Variants in TLE3 observed in about 807,000 individuals in gnomAD.
The protein encoded by TLE3 is transducin-like enhancer protein 3.
A neutral mutation model predicts 93.0 loss-of-function variants in TLE3; 14 were observed. That is an observed-to-expected ratio of 0.15 (90% CI 0.10 to 0.24). The LOEUF (loss-of-function observed/expected upper bound fraction) is 0.24. TLE3 is among the 10% of genes least tolerant of loss of function. The probability of loss-of-function intolerance (pLI) is 1.00; values close to 1 mark genes in which losing one functional copy is unlikely to be tolerated. For missense variants in TLE3, 693 were observed against 1,046.6 expected (o/e 0.66, Z 4.66); for synonymous variants, 451 against 425.0 (o/e 1.06, Z -0.75).
intron 14 of TLE3, 185 bp from the exon 15 acceptor site, chr15:70,055,483 A>G (rs1005852649): frequency 1.5e-5 from 10 of 671,542 alleles, no homozygotes; most frequent in Middle Eastern, 4.2e-4. Flanking sequence ...AGACATGATT[A>G]ACAGACCAGC....
At chr15:70,060,404 C>T (rs1595888937) in intron 9 of TLE3, 126 bp downstream of exon 9, 4 of 1,289,584 alleles carry the variant, frequency 3.1e-6, no homozygotes, top group East Asian at 2.5e-5. Context: ...GGTCCCCTAT[C>T]GCCAACCTGT....
chr15:70,053,603 A>G (rs2055745731), intron 16 of TLE3: 4 of 391,184 alleles, frequency 1.0e-5, no homozygotes, highest in Non-Finnish European at 1.8e-5. Context: ...CCCCTGGGAA[A>G]TGGGGGGGGG....
In TLE3 at chr15:70,097,782, A is replaced by G. The variant is rs1209581983; in HGVS notation, c.-984T>C. 2.6e-6 allele frequency: 1 copy of G among 384,058 alleles called. No homozygotes were observed. Among genetic ancestry groups the G allele is most frequent in the Non-Finnish European group, 4.6e-6 (1 of 218,378 alleles). 23.8% of individuals were successfully genotyped at this position (384,058 alleles called of 1,614,324 possible). On this transcript the variant is annotated 5_prime_UTR_variant, in exon 1 of 20. Coordinates refer to ENST00000451782, the MANE Select transcript of TLE3 (RefSeq NM_001105192.3). ...AACCCCCAAAACACACACACCCAAC[A>G]CACACACACGCGCGCACGCACACAC...
intron 2 of TLE3, 200 bp from the exon 3 acceptor site, chr15:70,095,841 C>CAA: frequency 1.5e-6 from 1 of 673,660 alleles, no homozygotes; most frequent in Non-Finnish European, 2.5e-6. Flanking sequence ...CGAAACTTCC[C>CAA]GCGAGCCAAA....
Position 70,049,858 on chromosome 15 carries a change from T to C in TLE3, c.*239A>G, listed in dbSNP as rs982454087. ...AATCTATTTGTAGCAACTGCCAGCA[T>C]TGTTCAGGGGGAGGAGGAGGAGCAG... On this transcript the variant is annotated 3_prime_UTR_variant, in exon 20 of 20. Coordinates refer to ENST00000451782, the MANE Select transcript of TLE3 (RefSeq NM_001105192.3). The C allele has an allele frequency of 6.8e-6, 3 of 441,600 alleles. No individual in the cohort carries two copies. The highest frequency in any genetic ancestry group is 8.3e-6 in the Non-Finnish European group (2 of 240,860). The allele number at this position is 441,600 out of a possible 1,614,324, so 27.4% of individuals were successfully genotyped here. A position where few individuals can be genotyped will look rare whatever the true frequency, so the allele number is the denominator to read the frequency against.
intron 6 of TLE3, among the ~76,000 whole-genome samples, chr15:70,069,488 T>C (rs1308565927): frequency 6.6e-6 from 1 of 152,192 alleles, no homozygotes; most frequent in Non-Finnish European, 1.5e-5. Context: ...TGTTGTCAGG[T>C]AGGAGCGTCC....
chr15:70,056,358 T>A lies in TLE3; in HGVS notation c.1268A>T (p.His423Leu). 6 of 1,612,184 alleles carry A rather than the reference T, an allele frequency of 3.7e-6. No individual in the cohort carries two copies. Among genetic ancestry groups the A allele is most frequent in the Non-Finnish European group, 5.1e-6 (6 of 1,179,578 alleles). The change falls in exon 14 of 20, where the codon CAC (histidine) becomes CTC (leucine). Residue 423 changes from histidine (H) to leucine (L), a missense_variant. Physicochemically the swap from His to Leu is moderately conservative, Grantham distance 99 (BLOSUM62 -3). Transcript: ENST00000451782. ...VSFGAVGFDP[H>L]PPMRATGLPS... is the part of the protein sequence containing the mutation. ...GAGGCCTGTGGCCCGCATCGGGGGGTGAGGGTCAAAACCAACCTGTAAAGC... is the reference window on the plus strand; with the variant it reads ...GAGGCCTGTGGCCCGCATCGGGGGGAGAGGGTCAAAACCAACCTGTAAAGC...
At chr15:70,078,511 G>A (rs1213843344) in intron 4 of TLE3, among the ~76,000 whole-genome samples, 4 of 152,232 alleles carry the variant, frequency 2.6e-5, no homozygotes, top group African/African-American at 7.2e-5. Flanking sequence ...CTCCGTAAAT[G>A]TTTGGCCCAA....
intron 4 of TLE3, among the ~76,000 whole-genome samples, chr15:70,079,994 G>C (rs992039846): frequency 6.7e-6 from 1 of 150,252 alleles, no homozygotes; most frequent in Admixed American, 6.6e-5. Flanking sequence ...CAGCACTTCT[G>C]ATTAGAACAG....
chr15:70,076,725 T>C (rs367885706), intron 4 of TLE3, among the ~76,000 whole-genome samples: 3 of 152,136 alleles, frequency 2.0e-5, no homozygotes, highest in East Asian at 3.8e-4. Flanking sequence ...TTCTTTCTTT[T>C]TTTTTCTTTC....
At chr15:70,079,988 A>G (rs1427798259) in intron 4 of TLE3, among the ~76,000 whole-genome samples, 1 of 151,922 alleles carries the variant, frequency 6.6e-6, no homozygotes, top group African/African-American at 2.4e-5. Context: ...AATTGACAGC[A>G]CTTCTGATTA....
At chr15:70,085,944 G>A (rs1410017216) in intron 4 of TLE3, among the ~76,000 whole-genome samples, 1 of 152,236 alleles carries the variant, frequency 6.6e-6, no homozygotes, top group African/African-American at 2.4e-5. Context: ...TCACTGGAGA[G>A]AGAGATCAGA....
chr15:70,058,949 G>T lies in TLE3; in HGVS notation c.766-134C>A. ...TGGCTGAAAGACTGGGGGCCCCACA[G>T]TGAGGAAAAACTAGCTCTTAACCAT... On this transcript the variant is annotated intron_variant, in intron 10 of 19. Transcript: ENST00000451782. The surrounding 1 kb of genome is among the most constrained non-coding windows in gnomAD (Gnocchi z 4.1). The T allele has an allele frequency of 8.4e-7, 1 of 1,194,116 alleles. No individual in the cohort carries two copies. Among genetic ancestry groups the T allele is most frequent in the Non-Finnish European group, 1.1e-6 (1 of 885,668 alleles). The allele number at this position is 1,194,116 out of a possible 1,614,324, so 74.0% of individuals were successfully genotyped here. A position where few individuals can be genotyped will look rare whatever the true frequency, so the allele number is the denominator to read the frequency against.
At chr15:70,051,985 G>A (rs749717004) in intron 18 of TLE3, among the ~76,000 whole-genome samples, 5 of 152,196 alleles carry the variant, frequency 3.3e-5, no homozygotes, top group Non-Finnish European at 7.3e-5. Flanking sequence ...TTCAGAGAGG[G>A]TGAGATGTTC....
At chr15:70,083,840 C>T (rs1270961989) in intron 4 of TLE3, among the ~76,000 whole-genome samples, 1 of 151,978 alleles carries the variant, frequency 6.6e-6, no homozygotes, top group East Asian at 1.9e-4. Flanking sequence ...CTTTGGAAAA[C>T]CCAAGTGGCA....
intron 4 of TLE3, among the ~76,000 whole-genome samples, chr15:70,086,054 C>T (rs2141971617): frequency 6.6e-6 from 1 of 152,294 alleles, no homozygotes; most frequent in East Asian, 1.9e-4. Context: ...TCCTCTGTCT[C>T]CCCTGCTCCT....
At chr15:70,094,606 A>G (rs2142085373) in intron 3 of TLE3, 30 bp from the exon 4 acceptor site, 2 of 1,486,476 alleles carry the variant, frequency 1.3e-6, no homozygotes, top group Non-Finnish European at 1.8e-6. Flanking sequence ...CTATTAACAG[A>G]CAACACAGAA....
chr15:70,050,068 G>C lies in TLE3; in HGVS notation c.*29C>G. 1 of 1,595,004 alleles carries C rather than the reference G, an allele frequency of 6.3e-7. No individual in the cohort carries two copies. The highest frequency in any genetic ancestry group is 8.6e-7 in the Non-Finnish European group (1 of 1,162,826). On this transcript the variant is annotated 3_prime_UTR_variant, in exon 20 of 20. Coordinates refer to ENST00000451782, the MANE Select transcript of TLE3 (RefSeq NM_001105192.3). ...GTCAGAGCCGAGTCGGTTTCTCCCA[G>C]AGTTTGACAGCCCTGCTGGAGTTCT... is the stretch of plus-strand genomic sequence containing the variant.
Position 70,052,501 on chromosome 15 carries a change from G to A in TLE3, c.1998C>T (p.Pro666=), listed in dbSNP as rs760869125. 1.2e-6 allele frequency: 2 copies of A among 1,613,520 alleles called. No individual in the cohort carries two copies. Among genetic ancestry groups the A allele is most frequent in the African/African-American group, 2.7e-5 (2 of 74,924 alleles). Residue 666 remains proline, a synonymous_variant, in exon 18 of 20, where the codon CCC becomes CCT. Coordinates refer to ENST00000451782, the MANE Select transcript of TLE3 (RefSeq NM_001105192.3). ...TGCCCACAGCCAGCCACTCCCCAGT[G>A]GGGCAGTAGCCCAGCGAGAAGATCT... ...TSQIFSLGYC[P]TGEWLAVGME...
Sources: gnomAD v4.1 joint callset for allele counts (sites outside exome capture counted in the v4.1 genomes callset) on GRCh38, gnomAD v4.1.1 for gene constraint, Gnocchi (gnomAD v3.1) non-coding constraint, MANE v1.5 for transcripts, NCBI Gene and HGNC (gene_info 2026-07-23, HGNC 2026-07-21) for gene names.